The following OBSL1 variants were observed in gnomAD, a reference collection of about 807,000 sequenced individuals.
OBSL1 encodes obscurin like cytoskeletal adaptor 1, also known as obscurin-like protein 1.
A neutral mutation model predicts 172.0 loss-of-function variants in OBSL1; 160 were observed. The observed-to-expected ratio is 0.93, with a 90% CI of 0.82 to 1.06. The LOEUF (loss-of-function observed/expected upper bound fraction) is 1.06. Ranked by LOEUF, OBSL1 falls within the 50% of genes least tolerant of loss-of-function variation. The pLI is 0.00. For missense variants in OBSL1, 2,681 were observed against 2,715.4 expected (o/e 0.99, Z 0.28); for synonymous variants, 1,200 against 1,196.3 (o/e 1.00, Z -0.06).
intron 11 of OBSL1, 82 bp from the exon 12 acceptor site, chr2:219,557,700 T>C: frequency 6.6e-7 from 1 of 1,519,574 alleles, no homozygotes; most frequent in Non-Finnish European, 8.8e-7. Context: ...ACGGGGAAGG[T>C]ACTGAGAGAA....
Position 219,567,105 on chromosome 2 carries a change from G to T in OBSL1, c.1859C>A (p.Ala620Glu). 1 of 1,613,090 alleles carries T rather than the reference G, an allele frequency of 6.2e-7. No homozygotes were observed. The highest frequency in any genetic ancestry group is 8.5e-7 in the Non-Finnish European group (1 of 1,179,666). The change falls in exon 5 of 21, where the codon GCA (alanine) becomes GAA (glutamate). Residue 620 changes from alanine (A) to glutamate (E), a missense_variant. Ala to Glu is a moderately radical substitution (Grantham distance 107). Coordinates refer to ENST00000404537, the MANE Select transcript of OBSL1 (RefSeq NM_015311.3). ...AHLVPTARLVAGLEDVQVYDG... is the reference protein window; with the variant it reads ...AHLVPTARLVEGLEDVQVYDG... ...GTATACCTGCACATCCTCCAGACCT[G>T]CCACCAGGCGAGCTGTGGGCACTGA...
chr2:219,551,525 T>A lies in OBSL1; in HGVS notation c.5683+4A>T. 6.3e-7 allele frequency: 1 copy of A among 1,579,520 alleles called. No individual in the cohort carries two copies. The highest frequency in any genetic ancestry group is 8.6e-7 in the Non-Finnish European group (1 of 1,161,548). ...CCTGCCGCTGCCCAGTTGGCTTTAC[T>A]CACCCTCTACCAGCAGCCGTGTGTG... On this transcript the variant is annotated splice_donor_region_variant and intron_variant, in intron 20 of 20. Coordinates refer to ENST00000404537, the MANE Select transcript of OBSL1 (RefSeq NM_015311.3).
rs766962624 is a variant in OBSL1, at chr2:219,567,975, A to C, written c.1283-6T>G. 19 of 1,613,106 alleles carry C rather than the reference A, an allele frequency of 1.2e-5. No individual in the cohort carries two copies. Among genetic ancestry groups the C allele is most frequent in the Non-Finnish European group, 1.6e-5 (19 of 1,179,400 alleles). ...CAGGCGCTTCAGGATGGGCCCTGAG[A>C]TGCGGACAGGAATCCATCAACCTGG... On this transcript the variant is annotated splice_polypyrimidine_tract_variant and splice_region_variant and intron_variant, in intron 2 of 20. Coordinates refer to ENST00000404537, the MANE Select transcript of OBSL1 (RefSeq NM_015311.3).
intron 1 of OBSL1, 78 bp downstream of exon 1, chr2:219,570,143 G>C: frequency 7.8e-7 from 1 of 1,290,024 alleles, no homozygotes; most frequent in African/African-American, 1.5e-5. Flanking sequence ...GGCAGCGCTG[G>C]GCACCGAGGA....
chr2:219,550,757 C>A lies in OBSL1; in HGVS notation c.*78G>T, dbSNP rs1695556440. 1.3e-6 allele frequency: 2 copies of A among 1,555,404 alleles called. No individual in the cohort carries two copies. Among genetic ancestry groups the A allele is most frequent in the Non-Finnish European group, 1.7e-6 (2 of 1,143,386 alleles). ...CTGTAGCACTTTTATTGTTCCTTGT[C>A]TCTCTACCCCTGCCCAGGGTAAGGG... On this transcript the variant is annotated 3_prime_UTR_variant, in exon 21 of 21. Transcript: ENST00000404537.
chr2:219,551,451 C>A, intron 20 of OBSL1, 78 bp downstream of exon 20: 1 of 1,465,212 alleles, frequency 6.8e-7, no homozygotes, highest in Non-Finnish European at 9.1e-7. Context: ...TTCTGGAAAG[C>A]CTCCCATAGG....
chr2:219,552,612 C>T lies in OBSL1; in HGVS notation c.5232G>A (p.Glu1744=). Residue 1744 remains glutamate, a synonymous_variant, in exon 18 of 21, where the codon GAG becomes GAA. Transcript: ENST00000404537. Reference sequence around the variant, plus strand: ...GCTCCCAGCGCCCCGTGGTCTCGACCTCCGACACGGTGCACTCGAACGTAG... The same window carrying T: ...GCTCCCAGCGCCCCGTGGTCTCGACTTCCGACACGGTGCACTCGAACGTAG... ...DGATFECTVS[E]VETTGRWELG... 1 of 1,575,554 alleles carries T rather than the reference C, an allele frequency of 6.3e-7. No homozygotes were observed. Among genetic ancestry groups the T allele is most frequent in the Non-Finnish European group, 8.6e-7 (1 of 1,167,146 alleles).
intron 14 of OBSL1, chr2:219,555,693 T>TC (rs1451442017): frequency 8.7e-7 from 1 of 1,143,478 alleles, no homozygotes; most frequent in Non-Finnish European, 1.1e-6. Context: ...TTGACAGCCA[T>TC]CCCTGCTACT....
Position 219,562,633 on chromosome 2 carries a change from C to G in OBSL1, c.2722G>C (p.Val908Leu), listed in dbSNP as rs764682163. The change falls in exon 8 of 21, where the codon GTG becomes CTG. Residue 908 changes from valine to leucine, a missense_variant. Physicochemically the swap from Val to Leu is conservative, Grantham distance 32. This residue lies in a region of OBSL1 where 1,765 missense variants were observed against 1,748.3 expected (regional missense o/e 1.01). Transcript: ENST00000404537. ...WIVYPSGKVY[V>L]AAVRLERVVL... ...ACACGCTCCAGGCGCACGGCTGCCA[C>G]ATACACCTTGCCGCTGGGATACACG... 1 of 1,580,546 alleles carries G rather than the reference C, an allele frequency of 6.3e-7. No homozygotes were observed. The highest frequency in any genetic ancestry group is 8.6e-7 in the Non-Finnish European group (1 of 1,163,950).
chr2:219,562,649 G>A lies in OBSL1; in HGVS notation c.2706C>T (p.Pro902=), dbSNP rs747837754. Residue 902 remains proline, a synonymous_variant, in exon 8 of 21, where the codon CCC becomes CCT. Coordinates refer to ENST00000404537, the MANE Select transcript of OBSL1 (RefSeq NM_015311.3). ...CGGCTGCCACATACACCTTGCCGCT[G>A]GGATACACGATCCACGAGGAGACGT... The part of the protein sequence containing the change: ...ITDVSSWIVY[P]SGKVYVAAVR... 8.3e-5 allele frequency: 130 copies of A among 1,563,738 alleles called. No homozygotes were observed. The highest frequency in any genetic ancestry group is 5.0e-4 in the Middle Eastern group (3 of 6,004).
intron 8 of OBSL1, among the ~76,000 whole-genome samples, chr2:219,560,460 C>T (rs1315023981): frequency 6.6e-6 from 1 of 152,168 alleles, no homozygotes; most frequent in Non-Finnish European, 1.5e-5. Flanking sequence ...TAGAGGTGAC[C>T]AGCGCATGGA....
intron 6 of OBSL1, among the ~76,000 whole-genome samples, chr2:219,564,459 C>T (rs1225145546): frequency 2.0e-5 from 3 of 152,222 alleles, no homozygotes; most frequent in African/African-American, 7.2e-5. Context: ...TATATTGCCC[C>T]TCATCGAGTT....
At chr2:219,566,538 G>T (rs920076057) in intron 5 of OBSL1, among the ~76,000 whole-genome samples, 2 of 152,224 alleles carry the variant, frequency 1.3e-5, no homozygotes, top group Non-Finnish European at 2.9e-5. Flanking sequence ...GCCAGGGTCT[G>T]TGTCTTTCAA....
At chr2:219,567,687 C>G (rs550590244) in intron 3 of OBSL1, 31 bp downstream of exon 3, 1 of 1,597,442 alleles carries the variant, frequency 6.3e-7, no homozygotes, top group Admixed American at 1.7e-5. Context: ...CCTGCCCTGC[C>G]TCGCCTGTCC....
At chr2:219,558,916 G>A (rs1445082769) in intron 9 of OBSL1, among the ~76,000 whole-genome samples, 1 of 152,200 alleles carries the variant, frequency 6.6e-6, no homozygotes, top group Non-Finnish European at 1.5e-5. Flanking sequence ...ACTCTGTGAA[G>A]ACAAGAGGTT....
downstream of OBSL1, chr2:219,550,063 C>G (rs548504820): frequency 3.2e-6 from 2 of 634,174 alleles, no homozygotes; most frequent in East Asian, 5.6e-5. Context: ...CTGAGGAACT[C>G]GGGGTGTGAA....
intron 18 of OBSL1, 57 bp from the exon 19 acceptor site, chr2:219,552,273 C>A: frequency 1.3e-6 from 2 of 1,484,978 alleles, no homozygotes. Context: ...GCGTTGGGGA[C>A]GAAGGTGGGG....
intron 8 of OBSL1, 44 bp from the exon 9 acceptor site, chr2:219,559,541 A>G (rs1208555742): frequency 3.8e-6 from 6 of 1,586,864 alleles, no homozygotes; most frequent in Non-Finnish European, 4.3e-6. Context: ...GCTCACCGTC[A>G]GCCTCTCTGG....
chr2:219,554,830 C>G, intron 14 of OBSL1, 90 bp from the exon 15 acceptor site: 1 of 1,403,056 alleles, frequency 7.1e-7, no homozygotes, highest in Non-Finnish European at 9.5e-7. Flanking sequence ...CCTGCCTACA[C>G]CCCTGAACAC....
Sources: gnomAD v4.1 joint callset for allele counts (sites outside exome capture counted in the v4.1 genomes callset) on GRCh38, gnomAD v4.1.1 for gene constraint, gnomAD v4.1.1 regional missense constraint, MANE v1.5 for transcripts, NCBI Gene and HGNC (gene_info 2026-07-23, HGNC 2026-07-21) for gene names.